PKHD1L1: variants seen among roughly 807,000 people sequenced by gnomAD.
PKHD1L1 encodes PKHD1 like 1, also known as fibrocystin-L.
Under a neutral mutation model 462.9 loss-of-function variants are expected in PKHD1L1, and 434 were observed. That is an observed-to-expected ratio of 0.94 (90% confidence interval 0.87 to 1.02). The LOEUF (loss-of-function observed/expected upper bound fraction) is 1.02, where lower values mean the gene tolerates loss of function less well. Ranked by LOEUF, PKHD1L1 falls within the 50% of genes least tolerant of loss-of-function variation. The pLI is 0.00. For missense variants in PKHD1L1, 5,202 were observed against 5,096.1 expected (o/e 1.02, Z -0.63); for synonymous variants, 1,781 against 1,750.0 (o/e 1.02, Z -0.44).
Position 109,445,180 on chromosome 8 carries a change from G to T in PKHD1L1, c.5311G>T (p.Gly1771Cys), listed in dbSNP as rs867065179. 1 of 1,613,826 alleles carries T rather than the reference G, an allele frequency of 6.2e-7. No homozygotes were observed. Among genetic ancestry groups the T allele is most frequent in the African/African-American group, 1.3e-5 (1 of 74,922 alleles). Residue 1771 changes from glycine (G) to cysteine (C), a missense_variant, in exon 38 of 78, where the codon GGT (glycine) becomes TGT (cysteine). Transcript: ENST00000378402. The stretch of plus-strand genomic sequence containing the variant: ...TGTAAAAGTTCTTATTGAAGGAGAA[G>T]GTTTGGGGACTGTTTTGGAGGACAT... The part of the protein sequence containing the change: ...GSVKVLIEGE[G>C]LGTVLEDIAV...
intron 27 of PKHD1L1, among the ~76,000 whole-genome samples, chr8:109,432,174 C>T (rs1815144768): frequency 6.6e-6 from 1 of 152,062 alleles, no homozygotes; most frequent in African/African-American, 2.4e-5. Flanking sequence ...TAACCATTTA[C>T]TATATTTTAT....
Position 109,429,976 on chromosome 8 carries a change from CTG to C in PKHD1L1, c.3171_3172del (p.Cys1057TrpfsTer23), listed in dbSNP as rs774780716. 302 of 1,611,374 alleles carry C rather than the reference CTG, an allele frequency of 1.9e-4. No homozygotes were observed. The highest frequency in any genetic ancestry group is 2.3e-4 in the Non-Finnish European group (274 of 1,179,036). ...GAATTCCAGCTAAATGTTCAGGTGA[CTG>C]TGGATTTACATGGGATTCCAACATT... ...NGIPAKCSGD[C>X]GFTWDSNITP... On this transcript the variant is annotated frameshift_variant, in exon 27 of 78. Coordinates refer to ENST00000378402, the MANE Select transcript of PKHD1L1 (RefSeq NM_177531.6). LOFTEE classifies it high-confidence loss of function.
At chr8:109,491,387 T>C (rs1818818043) in intron 61 of PKHD1L1, among the ~76,000 whole-genome samples, 1 of 151,864 alleles carries the variant, frequency 6.6e-6, no homozygotes, top group African/African-American at 2.4e-5. Flanking sequence ...GTTATCATAT[T>C]AGACACTATA....
intron 2 of PKHD1L1, among the ~76,000 whole-genome samples, chr8:109,372,695 T>C (rs1219148473): frequency 6.6e-6 from 1 of 152,218 alleles, no homozygotes; most frequent in African/African-American, 2.4e-5. Flanking sequence ...ACCTAATTTA[T>C]TGAGAGTTTT....
chr8:109,478,066 C>T (rs1586592808), intron 53 of PKHD1L1, among the ~76,000 whole-genome samples: 1 of 151,956 alleles, frequency 6.6e-6, no homozygotes, highest in South Asian at 2.1e-4. Flanking sequence ...CCCTTATGGA[C>T]AATACTACTG....
At position 109,476,551 on chromosome 8, in the gene PKHD1L1, C is replaced by T. The variant is rs949639049; in HGVS notation, c.8801C>T (p.Pro2934Leu). Residue 2934 changes from proline to leucine, a missense_variant, in exon 52 of 78, where the codon CCT becomes CTT. Pro to Leu is a moderately conservative substitution (Grantham distance 98). Around this residue, in one of 3 missense-constraint regions of PKHD1L1, gnomAD observed 4,497 missense variants for 4,336.8 expected, o/e 1.04. Transcript: ENST00000378402. ...VIISHNFTQN[P>L]DMFNIIDMRN... ...ATATCACATAACTTCACTCAAAATC[C>T]TGACATGTTTAATATTATTGATATG... 2.0e-6 allele frequency: 3 copies of T among 1,535,100 alleles called. No individual in the cohort carries two copies. The African/African-American group carries it at 4.1e-5, about 21-fold the overall frequency.
chr8:109,522,221 G>T lies in PKHD1L1; in HGVS notation c.12067G>T (p.Gly4023Cys). ...GTTATCTGAACTCCAGGAAATTGCT[G>T]GTTCTCTTGGACAAGCTGTAATTTT... ...MQLSELQEIA[G>C]SLGQAVILGN... Residue 4023 changes from glycine to cysteine, a missense_variant, in exon 74 of 78, where the codon GGT (glycine) becomes TGT (cysteine). Coordinates refer to ENST00000378402, the MANE Select transcript of PKHD1L1 (RefSeq NM_177531.6). The T allele has an allele frequency of 6.2e-7, 1 of 1,604,144 alleles. No individual in the cohort carries two copies. Among genetic ancestry groups the T allele is most frequent in the Non-Finnish European group, 8.5e-7 (1 of 1,172,164 alleles).
At chr8:109,526,266 T>A (rs1820809279) in intron 76 of PKHD1L1, among the ~76,000 whole-genome samples, 1 of 152,180 alleles carries the variant, frequency 6.6e-6, no homozygotes, top group African/African-American at 2.4e-5. Flanking sequence ...ATGTGAAACA[T>A]GGTAAAAGTT....
Position 109,454,248 on chromosome 8 carries a change from T to C in PKHD1L1, c.6744+2T>C, listed in dbSNP as rs1816694303. The C allele has an allele frequency of 6.3e-7, 1 of 1,590,020 alleles. No individual in the cohort carries two copies. Among genetic ancestry groups the C allele is most frequent in the Non-Finnish European group, 8.6e-7 (1 of 1,165,274 alleles). On this transcript the variant is annotated splice_donor_variant, in intron 44 of 77. Transcript: ENST00000378402. LOFTEE classifies it high-confidence loss of function. ...ATTACAGATGGAGGTGTTCTTCAGG[T>C]ATTCAAAAGAACATAATACATATTC...
chr8:109,429,595 C>A, intron 26 of PKHD1L1, 133 bp downstream of exon 26: 2 of 879,114 alleles, frequency 2.3e-6, no homozygotes, highest in Non-Finnish European at 3.4e-6. Flanking sequence ...TAATATTGAT[C>A]AACTTGATAA....
In PKHD1L1 at chr8:109,445,013, C is replaced by A; in HGVS notation, c.5144C>A (p.Ser1715Tyr). The A allele has an allele frequency of 6.2e-7, 1 of 1,613,962 alleles. No homozygotes were observed. The highest frequency in any genetic ancestry group is 1.1e-5 in the South Asian group (1 of 91,082). Residue 1715 changes from serine to tyrosine, a missense_variant, in exon 38 of 78, where the codon TCC (serine) becomes TAC (tyrosine). By Grantham distance (144) the Ser-to-Tyr change is moderately radical. This residue lies in a region of PKHD1L1 where 4,497 missense variants were observed against 4,336.8 expected (regional missense o/e 1.04). Transcript: ENST00000378402. ...VNYTAIECETSPAAQQLVDVD... is the reference protein window; with the variant it reads ...VNYTAIECETYPAAQQLVDVD... The stretch of plus-strand genomic sequence containing the variant: ...TATACGGCCATTGAATGTGAAACAT[C>A]CCCTGCTGCCCAACAGCTTGTGGAT...
At chr8:109,413,378 A>C (rs1192450363) in intron 20 of PKHD1L1, 43 bp from the exon 21 acceptor site, 2 of 1,275,666 alleles carry the variant, frequency 1.6e-6, no homozygotes, top group Admixed American at 2.8e-5. Flanking sequence ...AAACAATGTA[A>C]TGGTAATATA....
intron 24 of PKHD1L1, 25 bp downstream of exon 24, chr8:109,425,257 T>C (rs1436970839): frequency 6.5e-7 from 1 of 1,548,522 alleles, no homozygotes; most frequent in East Asian, 2.3e-5. Flanking sequence ...TTTAAAATAT[T>C]GGTGTATACG....
Position 109,443,676 on chromosome 8 carries a change from G to A in PKHD1L1, c.4565G>A (p.Gly1522Glu). The A allele has an allele frequency of 2.5e-6, 4 of 1,609,320 alleles. No individual in the cohort carries two copies. The highest frequency in any genetic ancestry group is 3.4e-6 in the Non-Finnish European group (4 of 1,177,938). Residue 1522 changes from glycine to glutamate, a missense_variant and splice_region_variant, in exon 37 of 78, where the codon GGA (glycine) becomes GAA (glutamate). This residue lies in a region of PKHD1L1 where 4,497 missense variants were observed against 4,336.8 expected (regional missense o/e 1.04). Transcript: ENST00000378402. ...TAACGGGCAGTTCTTTTGTCTAAAG[G>A]AGGACCTGAGAATTTGCACTTGGGA... ...VGRSEATYAY[G>E]GPENLHLGSS...
chr8:109,373,221 G>C (rs1811613183), intron 2 of PKHD1L1, among the ~76,000 whole-genome samples: 1 of 152,050 alleles, frequency 6.6e-6, no homozygotes, highest in Non-Finnish European at 1.5e-5. Context: ...CTTCTTCCTG[G>C]TTTAGTCTTG....
Position 109,523,369 on chromosome 8 carries a change from T to TTAC in PKHD1L1, c.12469_12471dup (p.Thr4157dup). ...AGCTGTTGGGCCAACTACACAGACC[T>TTAC]TACTCCCCTTAGAACAGGTGGGTGC... is the stretch of plus-strand genomic sequence containing the variant. On this transcript the variant is annotated inframe_insertion, in exon 76 of 78. Coordinates refer to ENST00000378402, the MANE Select transcript of PKHD1L1 (RefSeq NM_177531.6). 1 of 1,612,958 alleles carries TTAC rather than the reference T, an allele frequency of 6.2e-7. No individual in the cohort carries two copies.
At position 109,515,194 on chromosome 8, in the gene PKHD1L1, T is replaced by C. The variant is rs1385980513; in HGVS notation, c.11578T>C (p.Ser3860Pro). Residue 3860 changes from serine to proline, a missense_variant, in exon 72 of 78, where the codon TCC becomes CCC. By Grantham distance (74) the Ser-to-Pro change is moderately conservative. Coordinates refer to ENST00000378402, the MANE Select transcript of PKHD1L1 (RefSeq NM_177531.6). ...GGCTGTTCTAGTAGGAATTTTCTTT[T>C]CCACACTTCAACGTTTGGATGTCTA... ...NKAVLVGIFF[S>P]TLQRLDVYVN... is the part of the protein sequence containing the mutation. 1 of 1,596,568 alleles carries C rather than the reference T, an allele frequency of 6.3e-7. No homozygotes were observed. The highest frequency in any genetic ancestry group is 8.5e-7 in the Non-Finnish European group (1 of 1,171,966).
Position 109,405,065 on chromosome 8 carries a change from C to T in PKHD1L1, c.1604C>T (p.Pro535Leu). 6.5e-7 allele frequency: 1 copy of T among 1,528,494 alleles called. No homozygotes were observed. The highest frequency in any genetic ancestry group is 1.2e-5 in the South Asian group (1 of 82,962). 94.7% of individuals were successfully genotyped at this position (1,528,494 alleles called of 1,614,324 possible). The change falls in exon 16 of 78, where the codon CCA becomes CTA. Residue 535 changes from proline (P) to leucine (L), a missense_variant. By Grantham distance (98) the Pro-to-Leu change is moderately conservative (BLOSUM62 -3). Transcript: ENST00000378402. ...NEVQKIKVTS[P>L]CVEANSCSLY... Reference sequence around the variant, plus strand: ...GTTCAGAAGATCAAGGTAACCAGCCCATGTGTGGAAGCTAATTCATGTTCA... The same window carrying T: ...GTTCAGAAGATCAAGGTAACCAGCCTATGTGTGGAAGCTAATTCATGTTCA...
intron 2 of PKHD1L1, among the ~76,000 whole-genome samples, chr8:109,374,831 C>T (rs1376155625): frequency 6.6e-6 from 1 of 152,182 alleles, no homozygotes; most frequent in African/African-American, 2.4e-5. Context: ...TATTGGCCCC[C>T]ACTCTCTTCT....
Sources: allele counts gnomAD v4.1 joint callset (sites outside exome capture counted in the v4.1 genomes callset), GRCh38; gene constraint gnomAD v4.1.1; regional missense constraint gnomAD v4.1.1; transcripts MANE v1.5; gene names NCBI Gene and HGNC (gene_info 2026-07-23, HGNC 2026-07-21).